Variants in LCLAT1 observed in about 807,000 individuals in gnomAD.
The protein encoded by LCLAT1 is lysocardiolipin acyltransferase 1.
LCLAT1 carries 11 observed loss-of-function variants against 30.7 expected under a neutral mutation model. The ratio of observed to expected loss-of-function variants is 0.36; its 90% CI spans 0.23 to 0.59. LCLAT1 has a LOEUF of 0.59. Among genes scored for constraint, LCLAT1 ranks in the 20% least tolerant of loss-of-function variants. The pLI, the probability that LCLAT1 is intolerant of heterozygous loss-of-function variation, is 0.77. For missense variants in LCLAT1, 402 were observed against 458.6 expected (o/e 0.88, Z 1.13); for synonymous variants, 155 against 151.3 (o/e 1.02, Z -0.18).
intron 2 of LCLAT1, among the ~76,000 whole-genome samples, chr2:30,531,392 G>T (rs1483312720): frequency 1.3e-5 from 2 of 152,168 alleles, no homozygotes; most frequent in Non-Finnish European, 2.9e-5. Flanking sequence ...TTGGAGTAGG[G>T]GTTATAATTA....
At chr2:30,543,129 G>A (rs920858854) in intron 3 of LCLAT1, among the ~76,000 whole-genome samples, 5 of 151,976 alleles carry the variant, frequency 3.3e-5, no homozygotes, top group South Asian at 4.1e-4. Context: ...TAATTAGGTT[G>A]AGGAGTTCCC....
chr2:30,567,687 C>T (rs1158089741), intron 4 of LCLAT1, among the ~76,000 whole-genome samples: 1 of 152,162 alleles, frequency 6.6e-6, no homozygotes, highest in Non-Finnish European at 1.5e-5. Context: ...TCAAACATCT[C>T]CTACAGCAAG....
intron 1 of LCLAT1, among the ~76,000 whole-genome samples, chr2:30,499,210 G>A (rs943596270): frequency 5.9e-5 from 9 of 152,048 alleles, no homozygotes; most frequent in Admixed American, 5.2e-4. Flanking sequence ...ACGGAGTTTC[G>A]CTCTTATCGC....
chr2:30,602,645 C>T (rs185856385), intron 5 of LCLAT1, among the ~76,000 whole-genome samples: 1 of 149,328 alleles, frequency 6.7e-6, no homozygotes, highest in African/African-American at 2.4e-5. Flanking sequence ...TCAGTTCCTT[C>T]CTAATGACTT....
intron 3 of LCLAT1, among the ~76,000 whole-genome samples, chr2:30,543,983 G>T (rs2148413831): frequency 6.6e-6 from 1 of 152,094 alleles, no homozygotes; most frequent in South Asian, 2.1e-4. Flanking sequence ...TAACATAGAA[G>T]CTTAAGCTAT....
At chr2:30,573,327 T>C (rs1665864315) in intron 5 of LCLAT1, among the ~76,000 whole-genome samples, 1 of 152,202 alleles carries the variant, frequency 6.6e-6, no homozygotes, top group South Asian at 2.1e-4. Flanking sequence ...AGCTGGACTT[T>C]CTAGCTCTGG....
chr2:30,593,191 TTAATA>T (rs1666772781), intron 5 of LCLAT1, among the ~76,000 whole-genome samples: 1 of 152,210 alleles, frequency 6.6e-6, no homozygotes, highest in Non-Finnish European at 1.5e-5. Context: ...TTGACTTATT[TTAATA>T]TGATTACTTC....
chr2:30,566,951 T>G (rs1395387979), intron 4 of LCLAT1, among the ~76,000 whole-genome samples: 8 of 152,204 alleles, frequency 5.3e-5, no homozygotes, highest in Admixed American at 5.2e-4. Context: ...CATTTTGTTA[T>G]GGAGCGGTTT....
chr2:30,475,571 T>C (rs1683005221), intron 1 of LCLAT1, among the ~76,000 whole-genome samples: 1 of 152,232 alleles, frequency 6.6e-6, no homozygotes, highest in East Asian at 1.9e-4. Flanking sequence ...TGTCAGAATC[T>C]TCATTTTAAT....
chr2:30,588,315 T>C (rs1190657927), intron 5 of LCLAT1, among the ~76,000 whole-genome samples: 1 of 152,232 alleles, frequency 6.6e-6, no homozygotes, highest in Non-Finnish European at 1.5e-5. Flanking sequence ...GACCATATCC[T>C]TGGGGATAAA....
At chr2:30,484,133 A>G (rs1399936780) in intron 1 of LCLAT1, among the ~76,000 whole-genome samples, 1 of 152,188 alleles carries the variant, frequency 6.6e-6, no homozygotes, top group Non-Finnish European at 1.5e-5. Flanking sequence ...GACCAAATAT[A>G]GATGGCCCTG....
intron 1 of LCLAT1, chr2:30,459,510 A>C: frequency 1.2e-6 from 1 of 813,472 alleles, no homozygotes; most frequent in Non-Finnish European, 2.1e-6. Flanking sequence ...CTGTTCCCAA[A>C]CTCTGCTTTC....
rs116773690 is a variant in LCLAT1 at position 30,455,027 on chromosome 2, T to C, written c.-5+7644T>C. ...TTGAGTCTTCTTTTGCTAGGCTACT[T>C]GATAAACAGTTCTTGTCTGTTGAGT... is the stretch of plus-strand genomic sequence containing the variant. On this transcript the variant is annotated intron_variant, in intron 1 of 5. Transcript: ENST00000379509. Among the ~76,000 whole-genome samples the C allele has an allele frequency of 9.7e-3, 1,480 of 152,308 alleles. 23 individuals carry two copies. Among genetic ancestry groups the C allele is most frequent in the African/African-American group, 0.034 (1,395 of 41,562 alleles).
In LCLAT1 at chr2:30,507,562, A is replaced by G. The variant is rs376784385; in HGVS notation, c.-4-18025A>G. ...CCATTTATAAGTGAGAGCATGTGGTATTTGGATTTCTGTTCCTGCGTTAGT... is the reference window on the plus strand; with the variant it reads ...CCATTTATAAGTGAGAGCATGTGGTGTTTGGATTTCTGTTCCTGCGTTAGT... On this transcript the variant is annotated intron_variant, in intron 1 of 5. Transcript: ENST00000379509. 3.9e-5 allele frequency among the ~76,000 whole-genome samples: 6 copies of G among 152,182 alleles called. No individual in the cohort carries two copies. In the East Asian group the frequency reaches 9.7e-4, roughly 24 times the overall value.
intron 1 of LCLAT1, among the ~76,000 whole-genome samples, chr2:30,461,991 C>G (rs1682168225): frequency 6.6e-6 from 1 of 151,704 alleles, no homozygotes; most frequent in Middle Eastern, 3.2e-3. Context: ...CCAGGATGGT[C>G]TCGATCTCCT....
At chr2:30,508,833 A>G (rs1466077271) in intron 1 of LCLAT1, among the ~76,000 whole-genome samples, 4 of 152,160 alleles carry the variant, frequency 2.6e-5, no homozygotes, top group Non-Finnish European at 5.9e-5. Context: ...TAGGAATAGC[A>G]TTGAATCTAT....
rs1011535790 is a variant in LCLAT1, at chr2:30,449,072, T to C, written c.-5+1689T>C. Among the ~76,000 whole-genome samples the C allele has an allele frequency of 5.9e-5, 9 of 152,208 alleles. No homozygotes were observed. In the South Asian group the frequency reaches 1.9e-3, roughly 31 times the overall value. ...CACTGTGAGGCGGATACATTTATTA[T>C]CTTTATTTTGCAGATGAGGAAACTG... On this transcript the variant is annotated intron_variant, in intron 1 of 5. Transcript: ENST00000379509.
intron 3 of LCLAT1, among the ~76,000 whole-genome samples, chr2:30,553,601 G>T (rs941716014): frequency 2.6e-5 from 4 of 151,846 alleles, no homozygotes; most frequent in African/African-American, 7.3e-5. Context: ...GGATCATGAG[G>T]TCAGGAGATC....
intron 3 of LCLAT1, 53 bp downstream of exon 3, chr2:30,533,367 AC>A: frequency 1.4e-6 from 2 of 1,443,414 alleles, no homozygotes; most frequent in Non-Finnish European, 2.0e-6. Flanking sequence ...GATGTAATGC[AC>A]CCACTGTAAA....
Sources: allele counts gnomAD v4.1 joint callset (sites outside exome capture counted in the v4.1 genomes callset), GRCh38; gene constraint gnomAD v4.1.1; transcripts MANE v1.5; gene names NCBI Gene and HGNC (gene_info 2026-07-23, HGNC 2026-07-21).